Variants in LMO7 observed in about 807,000 individuals in gnomAD.
The protein encoded by LMO7 is LIM domain only protein 7.
A neutral mutation model predicts 206.5 loss-of-function variants in LMO7; 120 were observed. The observed-to-expected ratio is 0.58, with a 90% CI of 0.50 to 0.68. The LOEUF (loss-of-function observed/expected upper bound fraction) is 0.68, where lower values mean the gene tolerates loss of function less well. LMO7 is among the 30% of genes least tolerant of loss of function. The pLI is 0.00. For missense variants in LMO7, 1,959 were observed against 1,957.9 expected (o/e 1.00, Z -0.01); for synonymous variants, 706 against 681.5 (o/e 1.04, Z -0.56).
At chr13:75,774,228 C>A (rs1036674346) in intron 4 of LMO7, among the ~76,000 whole-genome samples, 1 of 152,090 alleles carries the variant, frequency 6.6e-6, no homozygotes, top group Non-Finnish European at 1.5e-5. Context: ...AGATCAACCT[C>A]TTACCTGAAC....
intron 11 of LMO7, among the ~76,000 whole-genome samples, chr13:75,812,090 T>C (rs549987273): frequency 1.1e-4 from 16 of 152,310 alleles, no homozygotes; most frequent in Non-Finnish European, 2.2e-4. Context: ...CATTTTTTAT[T>C]GTCTCATTGG....
chr13:75,850,367 C>T (rs1306010463), intron 27 of LMO7, among the ~76,000 whole-genome samples: 1 of 152,158 alleles, frequency 6.6e-6, no homozygotes, highest in East Asian at 1.9e-4. Context: ...ATATCTGACC[C>T]TCTGAGCAAT....
At chr13:75,737,570 G>A (rs1311564313) in intron 3 of LMO7, among the ~76,000 whole-genome samples, 5 of 148,344 alleles carry the variant, frequency 3.4e-5, no homozygotes, top group African/African-American at 1.2e-4. Context: ...TGGCTAACAC[G>A]GTGAAACCCC....
chr13:75,636,503 A>G lies in LMO7; in HGVS notation c.-155A>G. On this transcript the variant is annotated 5_prime_UTR_variant, in exon 1 of 31. Coordinates refer to ENST00000377534, the MANE Select transcript of LMO7 (RefSeq NM_001306080.2). ...ACCTTAACGAACTGCAGAGCGCAAC[A>G]AAGGGAACTAGAGCCCCGGCGCCTT... The G allele has an allele frequency of 1.3e-6, 2 of 1,489,256 alleles. No homozygotes were observed. The highest frequency in any genetic ancestry group is 1.8e-6 in the Non-Finnish European group (2 of 1,129,796). The allele number at this position is 1,489,256 out of a possible 1,614,324, so 92.3% of individuals were successfully genotyped here. A position where few individuals can be genotyped will look rare whatever the true frequency, so the allele number is the denominator to read the frequency against.
chr13:75,728,340 A>T (rs1310670766), intron 3 of LMO7, among the ~76,000 whole-genome samples: 1 of 152,086 alleles, frequency 6.6e-6, no homozygotes, highest in Non-Finnish European at 1.5e-5. Flanking sequence ...GTGGTATCTC[A>T]TTGTGGTTTT....
chr13:75,808,175 A>G lies in LMO7; in HGVS notation c.1892A>G (p.His631Arg). 5 of 1,613,068 alleles carry G rather than the reference A, an allele frequency of 3.1e-6. No individual in the cohort carries two copies. Among genetic ancestry groups the G allele is most frequent in the Non-Finnish European group, 4.2e-6 (5 of 1,179,348 alleles). ...EAIREASRLR[H>R]KKRLMVERLF... ...ATCCGGGAGGCCAGCAGACTTAGGC[A>G]CAAGAAAAGGCTGATGGTGGAGAGG... The change falls in exon 10 of 31, where the codon CAC becomes CGC. Residue 631 changes from histidine to arginine, a missense_variant. His to Arg is a conservative substitution (Grantham distance 29). Coordinates refer to ENST00000377534, the MANE Select transcript of LMO7 (RefSeq NM_001306080.2).
chr13:75,718,469 T>G (rs2043742143), intron 2 of LMO7, among the ~76,000 whole-genome samples: 1 of 152,182 alleles, frequency 6.6e-6, no homozygotes, highest in African/African-American at 2.4e-5. Context: ...TCTGTTGTTT[T>G]TGTTTTGAAG....
chr13:75,800,511 A>G (rs2054592420), intron 6 of LMO7, among the ~76,000 whole-genome samples, 173 bp from the exon 7 acceptor site: 1 of 152,174 alleles, frequency 6.6e-6, no homozygotes, highest in Non-Finnish European at 1.5e-5. Flanking sequence ...AACAATTACA[A>G]ATTTATTTTC....
At position 75,821,256 on chromosome 13, in the gene LMO7, C is replaced by T. The variant is rs748179305; in HGVS notation, c.2287C>T (p.Arg763Ter). 2.5e-6 allele frequency: 4 copies of T among 1,613,678 alleles called. No individual in the cohort carries two copies. Among genetic ancestry groups the T allele is most frequent in the African/African-American group, 1.3e-5 (1 of 74,886 alleles). Residue 763 changes from arginine (R) to a stop codon, truncating the protein, a stop_gained, in exon 14 of 31, where the codon CGA becomes TGA. Transcript: ENST00000377534. LOFTEE classifies it high-confidence loss of function. The part of the protein sequence containing the change: ...SFDDVLEEGK[R>*]PPTMTVSEAS... The stretch of plus-strand genomic sequence containing the variant: ...TGATGATGTGCTGGAGGAAGGAAAG[C>T]GACCCCCTACAATGACTGTGTCAGA...
chr13:75,724,445 C>G (rs2044288182), intron 2 of LMO7, among the ~76,000 whole-genome samples: 1 of 152,070 alleles, frequency 6.6e-6, no homozygotes, highest in African/African-American at 2.4e-5. Context: ...ATAGAGGTAT[C>G]TGGAAGGTTA....
chr13:75,812,262 A>G (rs570121343), intron 11 of LMO7, among the ~76,000 whole-genome samples: 30 of 152,374 alleles, frequency 2.0e-4, no homozygotes, highest in Middle Eastern at 3.4e-3. Flanking sequence ...CTATAAATCT[A>G]TAAATGAAAA....
At chr13:75,687,985 A>G (rs543938835) in intron 1 of LMO7, among the ~76,000 whole-genome samples, 1 of 152,258 alleles carries the variant, frequency 6.6e-6, no homozygotes, top group African/African-American at 2.4e-5. Context: ...ATAGTGAATA[A>G]GTCTCACGAG....
chr13:75,795,258 A>T, intron 4 of LMO7, 143 bp from the exon 5 acceptor site: 2 of 575,474 alleles, frequency 3.5e-6, no homozygotes, highest in Non-Finnish European at 3.1e-6. Flanking sequence ...TCTGATGGAG[A>T]TAATATGAGC....
chr13:75,780,995 TC>T (rs1222582607), intron 4 of LMO7, among the ~76,000 whole-genome samples: 1 of 152,026 alleles, frequency 6.6e-6, no homozygotes, highest in Non-Finnish European at 1.5e-5. Flanking sequence ...AATTTCTCAT[TC>T]CTTTTTCTAA....
intron 12 of LMO7, 29 bp downstream of exon 12, chr13:75,817,307 G>A (rs2057113089): frequency 7.2e-7 from 1 of 1,388,168 alleles, no homozygotes; most frequent in Non-Finnish European, 1.0e-6. Context: ...GGAGGGGAGA[G>A]AGTGTATTTG....
chr13:75,782,825 C>T (rs2051742289), intron 4 of LMO7, among the ~76,000 whole-genome samples: 1 of 152,190 alleles, frequency 6.6e-6, no homozygotes, highest in African/African-American at 2.4e-5. Flanking sequence ...CCTCTTCCTC[C>T]CTCTCATAAG....
intron 1 of LMO7, among the ~76,000 whole-genome samples, chr13:75,663,292 A>G (rs1209114384): frequency 1.3e-5 from 2 of 151,462 alleles, no homozygotes; most frequent in Non-Finnish European, 2.9e-5. Context: ...TGCTCCTGTG[A>G]TATTTTTTCT....
intron 1 of LMO7, among the ~76,000 whole-genome samples, chr13:75,684,282 A>G (rs765203758): frequency 2.8e-4 from 43 of 152,148 alleles, no homozygotes; most frequent in Non-Finnish European, 1.5e-4. Context: ...CTCCCAGGCT[A>G]GAGTGCAATG....
Position 75,819,490 on chromosome 13 carries a change from A to G in LMO7, c.2162A>G (p.Lys721Arg). ...REEIEKQALE[K>R]SKRSSKTFKE... The stretch of plus-strand genomic sequence containing the variant: ...GAAATTGAAAAGCAGGCACTTGAGA[A>G]GTCTAAGAGAAGCTCTAAGACGTTT... The change falls in exon 13 of 31, where the codon AAG (lysine) becomes AGG (arginine). Residue 721 changes from lysine to arginine, a missense_variant. Lys to Arg is a conservative substitution (Grantham distance 26). Coordinates refer to ENST00000377534, the MANE Select transcript of LMO7 (RefSeq NM_001306080.2). 1 of 1,612,752 alleles carries G rather than the reference A, an allele frequency of 6.2e-7. No homozygotes were observed. Among genetic ancestry groups the G allele is most frequent in the Non-Finnish European group, 8.5e-7 (1 of 1,179,648 alleles).
Sources: allele counts gnomAD v4.1 joint callset (sites outside exome capture counted in the v4.1 genomes callset), GRCh38; gene constraint gnomAD v4.1.1; transcripts MANE v1.5; gene names NCBI Gene and HGNC (gene_info 2026-07-23, HGNC 2026-07-21).